NLRP13: variants seen among roughly 807,000 people sequenced by gnomAD.
The protein encoded by NLRP13 is NACHT, LRR and PYD domains-containing protein 13.
A neutral mutation model predicts 94.4 loss-of-function variants in NLRP13; 82 were observed. The observed-to-expected ratio is 0.87, with a 90% CI of 0.73 to 1.04. The LOEUF is 1.04. Among genes scored for constraint, NLRP13 ranks in the 50% least tolerant of loss-of-function variants. NLRP13 has a pLI of 0.00. For synonymous variants in NLRP13, 553 were observed against 464.7 expected (o/e 1.19, Z -2.45); for missense variants, 1,426 against 1,230.8 (o/e 1.16, Z -2.37).
chr19:55,896,841 A>AAAAAAAAG (rs1986030465), intron 10 of NLRP13, among the ~76,000 whole-genome samples: 1 of 143,006 alleles, frequency 7.0e-6, no homozygotes, highest in Non-Finnish European at 1.5e-5. Flanking sequence ...AAAAAAAAAA[A>AAAAAAAAG]AAAATGGAAA....
intron 8 of NLRP13, among the ~76,000 whole-genome samples, chr19:55,903,353 G>C (rs931654565): frequency 6.6e-6 from 1 of 152,074 alleles, no homozygotes; most frequent in East Asian, 1.9e-4. Context: ...ACACCTAAAG[G>C]TCCTTGGCCT....
chr19:55,919,258 C>T (rs1053264725), intron 4 of NLRP13, among the ~76,000 whole-genome samples: 4 of 151,968 alleles, frequency 2.6e-5, no homozygotes, highest in Non-Finnish European at 5.9e-5. Context: ...ATCCACAGCC[C>T]ACATTATACT....
chr19:55,910,800 C>T, intron 5 of NLRP13, 67 bp from the exon 6 acceptor site: 3 of 1,269,788 alleles, frequency 2.4e-6, no homozygotes, highest in East Asian at 2.4e-5. Flanking sequence ...AGAATACAAC[C>T]TACGGGACAC....
rs533550090 is a variant in NLRP13 at position 55,924,997 on chromosome 19, C to T, written c.358G>A (p.Glu120Lys). 3 of 1,613,982 alleles carry T rather than the reference C, an allele frequency of 1.9e-6. No individual in the cohort carries two copies. The highest frequency in any genetic ancestry group is 2.5e-6 in the Non-Finnish European group (3 of 1,180,012). Residue 120 changes from glutamate (E) to lysine (K), a missense_variant, in exon 2 of 11, where the codon GAA (glutamate) becomes AAA (lysine). Glu to Lys is a moderately conservative substitution (Grantham distance 56). Transcript: ENST00000342929. ...GCTGCTTCTAGCATCTCTAGATCTT[C>T]CTGGGTTGGATCTTGCAGCTCTTGG... Reference protein sequence around the residue: ...QTQELQDPTQEDLEMLEAAAG... With the variant: ...QTQELQDPTQKDLEMLEAAAG...
Position 55,912,500 on chromosome 19 carries a change from C to G in NLRP13, c.1317G>C (p.Lys439Asn). Residue 439 changes from lysine (K) to asparagine (N), a missense_variant, in exon 5 of 11, where the codon AAG (lysine) becomes AAC (asparagine). Transcript: ENST00000342929. ...WTVCSCLKQPKVRYYDLQSIT... is the reference protein window; with the variant it reads ...WTVCSCLKQPNVRYYDLQSIT... ...TTGACTGGAGATCGTAATACCTCACCTTCGGCTGCTTCAGACAGGAACATA... is the reference window on the plus strand; with the variant it reads ...TTGACTGGAGATCGTAATACCTCACGTTCGGCTGCTTCAGACAGGAACATA... 1 of 1,614,176 alleles carries G rather than the reference C, an allele frequency of 6.2e-7. No individual in the cohort carries two copies. The highest frequency in any genetic ancestry group is 8.5e-7 in the Non-Finnish European group (1 of 1,180,010).
At chr19:55,929,374 C>A (rs111408461) in intron 1 of NLRP13, among the ~76,000 whole-genome samples, 4 of 152,102 alleles carry the variant, frequency 2.6e-5, no homozygotes, top group Non-Finnish European at 1.5e-5. Context: ...TGGAACCAAC[C>A]GAAATGCCCA....
Position 55,902,189 on chromosome 19 carries a change from G to C in NLRP13, c.2635C>G (p.Leu879Val), listed in dbSNP as rs1467225131. ...LERLELWFCQ[L>V]AAPACKHLSD... ...AAGTGCTTGCAAGCGGGTGCTGCCA[G>C]CTGGCAAAACCAGAGCCTGCAGGGT... is the stretch of plus-strand genomic sequence containing the variant. The change falls in exon 9 of 11, where the codon CTG (leucine) becomes GTG (valine). Residue 879 changes from leucine (L) to valine (V), a missense_variant. Transcript: ENST00000342929. 6.2e-7 allele frequency: 1 copy of C among 1,613,744 alleles called. No homozygotes were observed. Among genetic ancestry groups the C allele is most frequent in the Non-Finnish European group, 8.5e-7 (1 of 1,179,932 alleles).
intron 7 of NLRP13, among the ~76,000 whole-genome samples, chr19:55,905,695 T>C (rs1318745946): frequency 6.6e-6 from 1 of 151,934 alleles, no homozygotes; most frequent in African/African-American, 2.4e-5. Flanking sequence ...CTCAGCCCTA[T>C]TGAGGTGTGG....
chr19:55,927,402 G>A (rs1320924721), intron 1 of NLRP13, among the ~76,000 whole-genome samples: 7 of 149,270 alleles, frequency 4.7e-5, no homozygotes, highest in Non-Finnish European at 8.9e-5. Context: ...AAAACTATAT[G>A]ACACATTTGC....
At chr19:55,895,939 T>A, downstream of NLRP13, 2 of 1,613,238 alleles carry the variant, frequency 1.2e-6, no homozygotes, top group South Asian at 2.2e-5. Context: ...GAAAAGTCAG[T>A]GAGGTTTACC....
At position 55,911,933 on chromosome 19, in the gene NLRP13, A is replaced by C. The variant is rs772572455; in HGVS notation, c.1884T>G (p.Ser628Arg). 6.2e-7 allele frequency: 1 copy of C among 1,614,194 alleles called. No individual in the cohort carries two copies. The highest frequency in any genetic ancestry group is 8.5e-7 in the Non-Finnish European group (1 of 1,180,012). Reference protein sequence around the residue: ...KWGEELGKAESASLQFHILRL... With the variant: ...KWGEELGKAERASLQFHILRL... ...GTAGAATGTGAAATTGGAGAGAGGC[A>C]CTTTCAGCCTTACCTAACTCTTCTC... The change falls in exon 5 of 11, where the codon AGT becomes AGG. Residue 628 changes from serine to arginine, a missense_variant. Transcript: ENST00000342929.
chr19:55,906,364 T>C (rs1281232093), intron 7 of NLRP13, among the ~76,000 whole-genome samples: 1 of 109,296 alleles, frequency 9.1e-6, no homozygotes, highest in Non-Finnish European at 1.9e-5. Context: ...AGACAGATGA[T>C]AGACAGACAG....
At chr19:55,915,493 G>T (rs573591504) in intron 4 of NLRP13, among the ~76,000 whole-genome samples, 1 of 152,254 alleles carries the variant, frequency 6.6e-6, no homozygotes, top group Middle Eastern at 3.4e-3. Flanking sequence ...AGCTACTCGG[G>T]AGGCTGAGGC....
At chr19:55,892,926 G>A (rs540490994), downstream of NLRP13, among the ~76,000 whole-genome samples, 10 of 152,284 alleles carry the variant, frequency 6.6e-5, no homozygotes, top group East Asian at 1.9e-3. Flanking sequence ...GCATGTGTGT[G>A]TTCCTCACAG....
In NLRP13 at chr19:55,912,496, T is replaced by TCA. The variant is rs2123124059; in HGVS notation, c.1319_1320dup (p.Arg441Ter). The TCA allele has an allele frequency of 6.2e-6, 10 of 1,614,094 alleles. No homozygotes were observed. Among genetic ancestry groups the TCA allele is most frequent in the South Asian group, 3.3e-5 (3 of 91,084 alleles). On this transcript the variant is annotated frameshift_variant, in exon 5 of 11. Coordinates refer to ENST00000342929, the MANE Select transcript of NLRP13 (RefSeq NM_176810.2). LOFTEE classifies it high-confidence loss of function. ...GTGATTGACTGGAGATCGTAATACC[T>TCA]CACCTTCGGCTGCTTCAGACAGGAA...
intron 4 of NLRP13, among the ~76,000 whole-genome samples, chr19:55,917,566 G>T (rs567154568): frequency 6.6e-5 from 10 of 151,836 alleles, no homozygotes; most frequent in Admixed American, 3.3e-4. Flanking sequence ...TGAAGGTAAA[G>T]GTGTAGAAAA....
At chr19:55,894,149 T>C (rs980690998), downstream of NLRP13, among the ~76,000 whole-genome samples, 2 of 151,368 alleles carry the variant, frequency 1.3e-5, no homozygotes, top group Admixed American at 6.6e-5. Context: ...CAGGCAGTCT[T>C]CCCACCTCAG....
chr19:55,932,153 C>G lies in NLRP13; in HGVS notation c.159G>C (p.Pro53=). ...CTCTCAAGTTTGCCCAGGGGATACG[C>G]GGGAAGTGCCCCTGGGGGGCCGACC... ...DFWSAPQGHF[P]RIPWANLRAA... The change falls in exon 1 of 11, where the codon CCG becomes CCC. Residue 53 remains proline (P), a synonymous_variant. Coordinates refer to ENST00000342929, the MANE Select transcript of NLRP13 (RefSeq NM_176810.2). 1 of 1,614,058 alleles carries G rather than the reference C, an allele frequency of 6.2e-7. No homozygotes were observed. Among genetic ancestry groups the G allele is most frequent in the Admixed American group, 1.7e-5 (1 of 60,006 alleles).
intron 7 of NLRP13, among the ~76,000 whole-genome samples, chr19:55,906,710 C>T (rs1409880583): frequency 6.6e-6 from 1 of 151,670 alleles, no homozygotes. Flanking sequence ...ACAGAGGCCC[C>T]GAGACAGACC....
Sources: gnomAD v4.1 joint callset for allele counts (sites outside exome capture counted in the v4.1 genomes callset) on GRCh38, gnomAD v4.1.1 for gene constraint, MANE v1.5 for transcripts, NCBI Gene and HGNC (gene_info 2026-07-23, HGNC 2026-07-21) for gene names.